The following RBM28 variants were observed in gnomAD, a reference collection of about 807,000 sequenced individuals.
RBM28 encodes RNA binding motif protein 28.
In RBM28, 78 loss-of-function variants were observed where a neutral mutation model predicts 98.3. That is an observed-to-expected ratio of 0.79 (90% CI 0.66 to 0.96). The LOEUF (loss-of-function observed/expected upper bound fraction) is 0.96, where lower values mean the gene tolerates loss of function less well. Among genes scored for constraint, RBM28 ranks in the 40% least tolerant of loss-of-function variants. RBM28 has a pLI of 0.00. For synonymous variants in RBM28, 306 were observed against 330.9 expected, an observed-to-expected ratio of 0.92 and a Z score of 0.82; for missense variants, 838 against 913.0, an observed-to-expected ratio of 0.92 and a Z score of 1.06.
chr7:128,337,715 A>T (rs1382100882), intron 5 of RBM28, among the ~76,000 whole-genome samples: 2 of 151,702 alleles, frequency 1.3e-5, no homozygotes, highest in African/African-American at 4.8e-5. Flanking sequence ...GCACCACCAC[A>T]CCTGGCTAAT....
chr7:128,314,252 G>A (rs1003327557), intron 17 of RBM28, among the ~76,000 whole-genome samples: 7 of 152,096 alleles, frequency 4.6e-5, no homozygotes, highest in East Asian at 1.9e-4. Flanking sequence ...GTGAGCCACC[G>A]CGCCCAGCCA....
At chr7:128,337,528 C>A (rs937605750) in intron 5 of RBM28, among the ~76,000 whole-genome samples, 1 of 151,060 alleles carries the variant, frequency 6.6e-6, no homozygotes, top group Admixed American at 6.6e-5. Flanking sequence ...CTGCACCCTA[C>A]CTGGAAGCTA....
intron 10 of RBM28, among the ~76,000 whole-genome samples, chr7:128,328,938 A>G (rs1302639403): frequency 2.0e-5 from 3 of 150,876 alleles, no homozygotes; most frequent in Non-Finnish European, 3.0e-5. Context: ...GTGCTGCCTT[A>G]TTCACATCTT....
chr7:128,312,501 T>C (rs1296647403), intron 18 of RBM28, among the ~76,000 whole-genome samples: 1 of 152,054 alleles, frequency 6.6e-6, no homozygotes, highest in Non-Finnish European at 1.5e-5. Context: ...ACAAGTTAAA[T>C]GACACCACAA....
intron 1 of RBM28, among the ~76,000 whole-genome samples, chr7:128,339,993 A>G (rs11972429): frequency 0.43 from 65,004 of 152,010 alleles, 14,135 homozygotes; most frequent in Middle Eastern, 0.54. Context: ...CTTTGCTTAG[A>G]AACTGTTAGC....
rs566201794 is a variant in RBM28, at chr7:128,303,495, C to A, written c.*7302G>T. 1 of 152,346 alleles carries A rather than the reference C, an allele frequency of 6.6e-6. No individual in the cohort carries two copies. Among genetic ancestry groups the A allele is most frequent in the African/African-American group, 2.4e-5 (1 of 41,560 alleles). The allele number at this position is 152,346 out of a possible 1,614,324, so 9.4% of individuals were successfully genotyped here. On this transcript the variant is annotated 3_prime_UTR_variant, in exon 19 of 19. Coordinates refer to ENST00000223073, the MANE Select transcript of RBM28 (RefSeq NM_018077.3). ...CCTGGCCTCCTGGAAAGGGGCAATG[C>A]CCCAGCCCAGCACACAACCAGGGCC... is the stretch of plus-strand genomic sequence containing the variant.
At chr7:128,320,951 AG>A (rs1296436393) in intron 14 of RBM28, among the ~76,000 whole-genome samples, 16 of 152,220 alleles carry the variant, frequency 1.1e-4, no homozygotes, top group Admixed American at 5.9e-4. Context: ...AGATCACTTG[AG>A]GTCAGGAGTT....
rs369207064 is a variant in RBM28, at chr7:128,298,028, C to T, written c.*12769G>A. The T allele has an allele frequency of 1.0e-5, 1 of 98,886 alleles. No homozygotes were observed. Among genetic ancestry groups the T allele is most frequent in the Admixed American group, 1.1e-4 (1 of 9,126 alleles). The allele number at this position is 98,886 out of a possible 1,614,324, so 6.1% of individuals were successfully genotyped here. On this transcript the variant is annotated 3_prime_UTR_variant, in exon 19 of 19. Coordinates refer to ENST00000223073, the MANE Select transcript of RBM28 (RefSeq NM_018077.3). The stretch of plus-strand genomic sequence containing the variant: ...GGGAGGGATAGCATTGGGAGATATA[C>T]CTAATGCTAGATGACGAGTTAGTGG...
At chr7:128,311,722 G>A (rs1795989254) in intron 18 of RBM28, among the ~76,000 whole-genome samples, 1 of 151,862 alleles carries the variant, frequency 6.6e-6, no homozygotes, top group Non-Finnish European at 1.5e-5. Context: ...GAGCCAGTAT[G>A]GCAACAGCTC....
In RBM28 at chr7:128,310,716, G is replaced by C. The variant is rs1795962464; in HGVS notation, c.*81C>G. 6.4e-7 allele frequency: 1 copy of C among 1,565,364 alleles called. No individual in the cohort carries two copies. The highest frequency in any genetic ancestry group is 8.7e-7 in the Non-Finnish European group (1 of 1,143,000). On this transcript the variant is annotated 3_prime_UTR_variant, in exon 19 of 19. Coordinates refer to ENST00000223073, the MANE Select transcript of RBM28 (RefSeq NM_018077.3). Reference sequence around the variant, plus strand: ...TTGGGGATTTTCTTTCCCTCAGTGAGAGACACGGGGGATGGGGAGGAGCCC... The same window carrying C: ...TTGGGGATTTTCTTTCCCTCAGTGACAGACACGGGGGATGGGGAGGAGCCC...
rs1159200764 is a variant in RBM28, at chr7:128,299,177, A to C, written c.*11620T>G. ...ACAGGAAGAACTTGGGTCAGCCAAG[A>C]AGCAGAGGGGGTGAGGGAAAAGCAC... On this transcript the variant is annotated 3_prime_UTR_variant, in exon 19 of 19. Coordinates refer to ENST00000223073, the MANE Select transcript of RBM28 (RefSeq NM_018077.3). The C allele has an allele frequency of 6.6e-6, 1 of 152,298 alleles. No individual in the cohort carries two copies. Among genetic ancestry groups the C allele is most frequent in the Non-Finnish European group, 1.5e-5 (1 of 68,114 alleles). 9.4% of individuals were successfully genotyped at this position (152,298 alleles called of 1,614,324 possible). A position where few individuals can be genotyped will look rare whatever the true frequency, so the allele number is the denominator to read the frequency against.
chr7:128,319,835 G>A (rs1343548705), intron 14 of RBM28, among the ~76,000 whole-genome samples: 2 of 152,196 alleles, frequency 1.3e-5, no homozygotes, highest in Non-Finnish European at 2.9e-5. Flanking sequence ...CACTGTGGGA[G>A]GCCGAAGCAG....
At chr7:128,319,565 G>A (rs534876324) in intron 14 of RBM28, among the ~76,000 whole-genome samples, 3 of 152,304 alleles carry the variant, frequency 2.0e-5, no homozygotes, top group South Asian at 2.1e-4. Context: ...TCAGGGATTA[G>A]GAAAACAGTT....
intron 18 of RBM28, among the ~76,000 whole-genome samples, chr7:128,312,088 A>AAT (rs1554399769): frequency 6.6e-6 from 1 of 151,972 alleles, no homozygotes; most frequent in Non-Finnish European, 1.5e-5. Flanking sequence ...GATATAAGGA[A>AAT]ACACACACAC....
chr7:128,328,325 T>C (rs933550509), intron 10 of RBM28, among the ~76,000 whole-genome samples: 17 of 152,182 alleles, frequency 1.1e-4, no homozygotes, highest in African/African-American at 4.1e-4. Context: ...GGGTAAGAAT[T>C]TTATCATTGG....
rs955086750 is a variant in RBM28, at chr7:128,343,689, C to A, written c.105G>T (p.Val35=). ...SQVGPVKQCF[V]VTEKGSKACR... ...CCCCGCCCCTACCTTTTTCAGTCAC[C>A]ACGAAGCACTGCTTCACCGGCCCCA... Residue 35 remains valine, a synonymous_variant, in exon 1 of 19, where the codon GTG becomes GTT. Coordinates refer to ENST00000223073, the MANE Select transcript of RBM28 (RefSeq NM_018077.3). The A allele has an allele frequency of 6.2e-7, 1 of 1,610,348 alleles. No homozygotes were observed. The highest frequency in any genetic ancestry group is 8.5e-7 in the Non-Finnish European group (1 of 1,178,030).
Position 128,313,188 on chromosome 7 carries a change from A to G in RBM28, c.2132T>C (p.Leu711Ser), listed in dbSNP as rs1323348367. ...TGCAGAACTCACCTGCTCGGACGAT[A>G]ATTGCTGCTTCTCCTGCTTCCACTG... ...INQWKQEKQQ[L>S]SSEQVSRKKA... The change falls in exon 18 of 19, where the codon TTA becomes TCA. Residue 711 changes from leucine to serine, a missense_variant. Physicochemically the swap from Leu to Ser is moderately radical, Grantham distance 145. Coordinates refer to ENST00000223073, the MANE Select transcript of RBM28 (RefSeq NM_018077.3). 3 of 1,613,932 alleles carry G rather than the reference A, an allele frequency of 1.9e-6. No individual in the cohort carries two copies. The East Asian group carries it at 6.7e-5, about 36-fold the overall frequency.
chr7:128,340,344 G>A (rs953165660), intron 1 of RBM28, among the ~76,000 whole-genome samples: 48 of 152,092 alleles, frequency 3.2e-4, no homozygotes, highest in Non-Finnish European at 5.9e-5. Context: ...CATGAGAGTG[G>A]AGCTGGGGGC....
intron 13 of RBM28, among the ~76,000 whole-genome samples, chr7:128,322,042 C>T (rs112620866): frequency 0.039 from 2,539 of 65,186 alleles, 82 homozygotes; most frequent in African/African-American, 0.13. Context: ...GAGTGAAATT[C>T]GGTCAAAAAA....
Sources: gnomAD v4.1 joint callset for allele counts (sites outside exome capture counted in the v4.1 genomes callset) on GRCh38, gnomAD v4.1.1 for gene constraint, MANE v1.5 for transcripts, NCBI Gene and HGNC (gene_info 2026-07-23, HGNC 2026-07-21) for gene names.